The following ADRA1B variants were observed in gnomAD, a reference collection of about 807,000 sequenced individuals.
ADRA1B encodes alpha-1B adrenergic receptor.
A neutral mutation model predicts 17.9 loss-of-function variants in ADRA1B; 17 were observed. The ratio of observed to expected loss-of-function variants is 0.95; its 90% CI spans 0.65 to 1.42. The LOEUF (loss-of-function observed/expected upper bound fraction) is 1.42. Ranked by LOEUF, ADRA1B falls within the 40% of genes most tolerant of loss-of-function variation. The pLI, the probability that ADRA1B is intolerant of heterozygous loss-of-function variation, is 0.00. For missense variants in ADRA1B, 681 were observed against 722.1 expected, an observed-to-expected ratio of 0.94 and a Z score of 0.65; for synonymous variants, 366 against 327.6, an observed-to-expected ratio of 1.12 and a Z score of -1.27.
In ADRA1B at chr5:159,883,957, C is replaced by T. The variant is rs1753894855; in HGVS notation, c.-256+18751C>T. On this transcript the variant is annotated intron_variant, in intron 1 of 2. Transcript: ENST00000641205. ...GCTCATATATACCCTCAATACCAAA[C>T]ACATCACTTTTACTTGACCCAGGCC... 2.0e-5 allele frequency among the ~76,000 whole-genome samples: 3 copies of T among 152,182 alleles called. No individual in the cohort carries two copies. The South Asian group carries it at 6.2e-4, about 32-fold the overall frequency.
the ADRA1B span, among the ~76,000 whole-genome samples, chr5:159,987,090 G>A: frequency 6.6e-6 from 1 of 152,210 alleles, no homozygotes; most frequent in African/African-American, 2.4e-5. Context: ...CCCCAGCGGC[G>A]GGGGAGCCGG....
intron 1 of ADRA1B, among the ~76,000 whole-genome samples, chr5:159,907,938 C>G (rs1754179394): frequency 2.1e-5 from 3 of 143,548 alleles, no homozygotes; most frequent in African/African-American, 8.2e-5. Flanking sequence ...TGTTTGTTCT[C>G]TCTCTCTCTC....
chr5:159,940,585 G>C (rs998852933), intron 1 of ADRA1B, among the ~76,000 whole-genome samples: 1 of 152,162 alleles, frequency 6.6e-6, no homozygotes, highest in African/African-American at 2.4e-5. Flanking sequence ...CATTGCAGTA[G>C]TTCCTATACC....
In ADRA1B at chr5:159,951,454, C is replaced by T. The variant is rs1755437877; in HGVS notation, c.950-20425C>T. ...TAAAAGCTGCCCTGGTGAGCAGGTG[C>T]CCAATACATCCAAATCCGTTGACTC... On this transcript the variant is annotated intron_variant, in intron 1 of 1. Coordinates refer to ENST00000306675, the MANE Select transcript of ADRA1B (RefSeq NM_000679.4). 4 of 735,064 alleles carry T rather than the reference C, an allele frequency of 5.4e-6. No individual in the cohort carries two copies. The East Asian group carries it at 7.6e-5, about 14-fold the overall frequency. 45.5% of individuals were successfully genotyped at this position (735,064 alleles called of 1,614,324 possible).
chr5:159,964,332 C>T (rs1256247336), intron 1 of ADRA1B, among the ~76,000 whole-genome samples: 3 of 152,176 alleles, frequency 2.0e-5, no homozygotes, highest in Non-Finnish European at 4.4e-5. Flanking sequence ...TCTCCCTTTT[C>T]GAGAAAGAGG....
the ADRA1B span, among the ~76,000 whole-genome samples, chr5:159,983,610 G>A: frequency 8.5e-5 from 13 of 152,194 alleles, no homozygotes; most frequent in East Asian, 1.9e-4. Context: ...CAGCCGAACC[G>A]AAATTAGGAT....
intron 1 of ADRA1B, 49 bp downstream of exon 1, chr5:159,917,903 G>A (rs1156370396): frequency 2.7e-6 from 4 of 1,475,724 alleles, no homozygotes; most frequent in African/African-American, 1.4e-5. Context: ...TGGACCTTGG[G>A]TTTACTGATG....
intron 1 of ADRA1B, among the ~76,000 whole-genome samples, chr5:159,921,604 C>T (rs1402299822): frequency 6.6e-6 from 1 of 152,178 alleles, no homozygotes; most frequent in African/African-American, 2.4e-5. Context: ...TTAGAAAACA[C>T]TGGAACCTTG....
intron 1 of ADRA1B, among the ~76,000 whole-genome samples, chr5:159,929,644 C>CCTAAGG (rs1189743611): frequency 1.3e-5 from 2 of 151,892 alleles, no homozygotes; most frequent in Admixed American, 1.3e-4. Context: ...GGAACTTGGA[C>CCTAAGG]CGTGCCATCA....
At chr5:159,903,564 G>T (rs1947377300) in intron 1 of ADRA1B, among the ~76,000 whole-genome samples, 2 of 152,138 alleles carry the variant, frequency 1.3e-5, no homozygotes, top group African/African-American at 4.8e-5. Flanking sequence ...AAGTCCTTTA[G>T]CTAAGAATTG....
intron 1 of ADRA1B, among the ~76,000 whole-genome samples, chr5:159,954,428 C>T (rs369587530): frequency 1.4e-4 from 21 of 152,160 alleles, no homozygotes; most frequent in African/African-American, 4.3e-4. Flanking sequence ...GCTCCACCCT[C>T]GTGACCTAAT....
chr5:159,977,780 C>T (rs1490699533), downstream of ADRA1B, among the ~76,000 whole-genome samples: 1 of 152,094 alleles, frequency 6.6e-6, no homozygotes, highest in Non-Finnish European at 1.5e-5. Flanking sequence ...TGCCCTTATT[C>T]CCTCTCTGAT....
the ADRA1B span, among the ~76,000 whole-genome samples, chr5:159,986,420 T>C: frequency 6.6e-6 from 1 of 152,222 alleles, no homozygotes; most frequent in African/African-American, 2.4e-5. Flanking sequence ...TTATTCACAC[T>C]CACGTGACCT....
chr5:159,921,987 G>A (rs560136510), intron 1 of ADRA1B, among the ~76,000 whole-genome samples: 26 of 152,258 alleles, frequency 1.7e-4, no homozygotes, highest in East Asian at 1.2e-3. Context: ...TTTTACACAC[G>A]GGAATCCTTC....
intron 1 of ADRA1B, chr5:159,951,342 T>G: frequency 8.0e-7 from 1 of 1,252,852 alleles, no homozygotes; most frequent in Non-Finnish European, 1.2e-6. Flanking sequence ...GAATTTGCCA[T>G]GGGTGGAATC....
At chr5:159,874,667 G>A (rs1418732308) in intron 1 of ADRA1B, among the ~76,000 whole-genome samples, 1 of 152,188 alleles carries the variant, frequency 6.6e-6, no homozygotes, top group Non-Finnish European at 1.5e-5. Flanking sequence ...AGGCAAACAT[G>A]AAGATTTCCA....
intron 1 of ADRA1B, among the ~76,000 whole-genome samples, chr5:159,897,669 G>C (rs986045426): frequency 3.9e-5 from 6 of 152,138 alleles, no homozygotes; most frequent in African/African-American, 1.4e-4. Context: ...TGTCCTGTAT[G>C]GGTCTTTAAA....
intron 1 of ADRA1B, among the ~76,000 whole-genome samples, chr5:159,948,873 G>A (rs1755349449): frequency 6.6e-6 from 1 of 152,092 alleles, no homozygotes; most frequent in South Asian, 2.1e-4. Context: ...CTCAGATACT[G>A]TACTAAGTGT....
At chr5:159,915,051 G>T (rs1046942332), upstream of ADRA1B, among the ~76,000 whole-genome samples, 14 of 152,198 alleles carry the variant, frequency 9.2e-5, no homozygotes, top group Middle Eastern at 3.2e-3. Context: ...TAAATGCATG[G>T]CTATCAGTAA....
Sources: allele counts gnomAD v4.1 joint callset (sites outside exome capture counted in the v4.1 genomes callset), GRCh38; gene constraint gnomAD v4.1.1; transcripts MANE v1.5; gene names NCBI Gene and HGNC (gene_info 2026-07-23, HGNC 2026-07-21).